The following LEMD2 variants were observed in gnomAD, a reference collection of about 807,000 sequenced individuals.
LEMD2 encodes LEM domain-containing protein 2.
Under a neutral mutation model 58.8 loss-of-function variants are expected in LEMD2, and 34 were observed. That is an observed-to-expected ratio of 0.58 (90% CI 0.44 to 0.77). The LOEUF (loss-of-function observed/expected upper bound fraction) is 0.77, where lower values mean the gene tolerates loss of function less well. Ranked by LOEUF, LEMD2 falls within the 30% of genes least tolerant of loss-of-function variation. The pLI is 0.00. For missense variants in LEMD2, 629 were observed against 717.9 expected, an observed-to-expected ratio of 0.88 and a Z score of 1.42; for synonymous variants, 298 against 308.9, an observed-to-expected ratio of 0.96 and a Z score of 0.37.
Position 33,788,681 on chromosome 6 carries a change from G to A in LEMD2, c.436C>T (p.Arg146Trp). ...RGSSEEDEDA[R>W]TPDRATQGPG... Reference sequence around the variant, plus strand: ...CCCTGCGTGGCCCTGTCGGGCGTCCGGGCGTCCTCGTCCTCCTCGGAGCTG... The same window carrying A: ...CCCTGCGTGGCCCTGTCGGGCGTCCAGGCGTCCTCGTCCTCCTCGGAGCTG... Residue 146 changes from arginine to tryptophan, a missense_variant, in exon 1 of 9, where the codon CGG becomes TGG. Transcript: ENST00000293760. 1 of 1,341,562 alleles carries A rather than the reference G, an allele frequency of 7.5e-7. No homozygotes were observed. Among genetic ancestry groups the A allele is most frequent in the Non-Finnish European group, 9.6e-7 (1 of 1,045,984 alleles). The allele number at this position is 1,341,562 out of a possible 1,614,324, so 83.1% of individuals were successfully genotyped here.
intron 2 of LEMD2, among the ~76,000 whole-genome samples, chr6:33,786,044 A>G (rs1444254816): frequency 6.6e-6 from 1 of 152,210 alleles, no homozygotes; most frequent in Non-Finnish European, 1.5e-5. Context: ...TGCACACTTA[A>G]TTAGACTACT....
At chr6:33,777,441 C>T (rs1407115503) in intron 6 of LEMD2, among the ~76,000 whole-genome samples, 1 of 152,158 alleles carries the variant, frequency 6.6e-6, no homozygotes, top group Non-Finnish European at 1.5e-5. Flanking sequence ...TGATCATCTT[C>T]CTCCCACCGG....
chr6:33,780,186 G>A lies in LEMD2; in HGVS notation c.931-7C>T, dbSNP rs1469738810. 1 of 1,579,092 alleles carries A rather than the reference G, an allele frequency of 6.3e-7. No homozygotes were observed. The highest frequency in any genetic ancestry group is 8.6e-7 in the Non-Finnish European group (1 of 1,160,978). The stretch of plus-strand genomic sequence containing the variant: ...AGGAGCTGCTGGTCACATTCTGTGG[G>A]AGGGCGCGGGAGAAGGTTAGTTCGG... On this transcript the variant is annotated splice_polypyrimidine_tract_variant and splice_region_variant and intron_variant, in intron 4 of 8. Transcript: ENST00000293760.
chr6:33,775,130 T>C (rs1159249184), intron 8 of LEMD2, among the ~76,000 whole-genome samples: 1 of 152,148 alleles, frequency 6.6e-6, no homozygotes, highest in Non-Finnish European at 1.5e-5. Flanking sequence ...GGGTGGGAGT[T>C]TGAGTACCCC....
In LEMD2 at chr6:33,772,725, T is replaced by C. The variant is rs1767331713; in HGVS notation, c.1415A>G (p.Glu472Gly). ...DRAVEFLASN[E>G]SRIQTESHRV... ...GTGGGACTCCGTCTGGATCCGGGAT[T>C]CGTTGGAGGCCAGGAACTCCACAGC... The change falls in exon 9 of 9, where the codon GAA (glutamate) becomes GGA (glycine). Residue 472 changes from glutamate (E) to glycine (G), a missense_variant. Physicochemically the swap from Glu to Gly is moderately conservative, Grantham distance 98. Coordinates refer to ENST00000293760, the MANE Select transcript of LEMD2 (RefSeq NM_181336.4). 1.2e-6 allele frequency: 2 copies of C among 1,614,058 alleles called. No individual in the cohort carries two copies. Among genetic ancestry groups the C allele is most frequent in the Admixed American group, 3.3e-5 (2 of 60,020 alleles).
rs1029131942 is a variant in LEMD2 at position 33,784,200 on chromosome 6, G to A, written c.853+152C>T. ...AAAAGATGTGCCTGAGTGAGGAGGC[G>A]AGAAGGTGAGACTCGGCTTCTGAAT... On this transcript the variant is annotated intron_variant, in intron 3 of 8. Transcript: ENST00000293760. The A allele has an allele frequency of 2.0e-4, 140 of 695,808 alleles. No homozygotes were observed. In the African/African-American group the frequency reaches 2.2e-3, roughly 11 times the overall value. The allele number at this position is 695,808 out of a possible 1,614,324, so 43.1% of individuals were successfully genotyped here. A position where few individuals can be genotyped will look rare whatever the true frequency, so the allele number is the denominator to read the frequency against.
intron 1 of LEMD2, 177 bp from the exon 2 acceptor site, chr6:33,786,951 T>C: frequency 7.2e-7 from 1 of 1,387,380 alleles, no homozygotes; most frequent in Non-Finnish European, 9.4e-7. Flanking sequence ...TGTAAGGGTA[T>C]CCAAATCCTG....
intron 5 of LEMD2, chr6:33,779,129 C>T (rs982207067): frequency 6.6e-6 from 1 of 152,204 alleles, no homozygotes; most frequent in Admixed American, 6.5e-5. Context: ...GGCTGCCTTC[C>T]CCAACATGAA....
At chr6:33,783,742 G>C (rs1334628405) in intron 3 of LEMD2, among the ~76,000 whole-genome samples, 1 of 152,194 alleles carries the variant, frequency 6.6e-6, no homozygotes. Context: ...TGCTGAGAAT[G>C]CCCTCCTTTA....
At chr6:33,776,210 G>A (rs951683844) in intron 8 of LEMD2, among the ~76,000 whole-genome samples, 6 of 152,238 alleles carry the variant, frequency 3.9e-5, no homozygotes, top group Non-Finnish European at 7.3e-5. Context: ...ATGAGTGTAC[G>A]CATGCGTGTG....
chr6:33,788,336 C>G (rs752164896), intron 1 of LEMD2, 45 bp downstream of exon 1: 1 of 1,501,846 alleles, frequency 6.7e-7, no homozygotes, highest in Middle Eastern at 1.7e-4. Flanking sequence ...CTCCGGCGGA[C>G]ACACGCGCGC....
intron 2 of LEMD2, among the ~76,000 whole-genome samples, chr6:33,785,655 T>C (rs1401186295): frequency 6.6e-6 from 1 of 152,218 alleles, no homozygotes; most frequent in Non-Finnish European, 1.5e-5. Context: ...GAAAGTTATT[T>C]TTTCCTGTTT....
Position 33,772,418 on chromosome 6 carries a change from T to C in LEMD2, c.*210A>G. On this transcript the variant is annotated 3_prime_UTR_variant, in exon 9 of 9. Transcript: ENST00000293760. The stretch of plus-strand genomic sequence containing the variant: ...CAGGGCAGAGTCTGGGCTATCACCC[T>C]GGCTTCTCCCCCTCCCTTTAAAGGA... The C allele has an allele frequency of 2.0e-6, 1 of 508,916 alleles. No homozygotes were observed. The highest frequency in any genetic ancestry group is 3.7e-5 in the Admixed American group (1 of 27,314). The allele number at this position is 508,916 out of a possible 1,614,324, so 31.5% of individuals were successfully genotyped here.
chr6:33,778,228 G>T lies in LEMD2; in HGVS notation c.1156+14C>A. The T allele has an allele frequency of 6.4e-7, 1 of 1,568,128 alleles. No individual in the cohort carries two copies. The highest frequency in any genetic ancestry group is 8.7e-7 in the Non-Finnish European group (1 of 1,155,090). On this transcript the variant is annotated intron_variant, in intron 6 of 8. Transcript: ENST00000293760. The surrounding 1 kb of genome is among the most constrained non-coding windows in gnomAD (Gnocchi z 4.7). ...GACTGCACAGAAGGGGAGGGAAGGCGGCCGAGGACTTACACCAGAAGAAGA... is the reference window on the plus strand; with the variant it reads ...GACTGCACAGAAGGGGAGGGAAGGCTGCCGAGGACTTACACCAGAAGAAGA...
chr6:33,777,694 CG>C (rs1767468091), intron 6 of LEMD2, among the ~76,000 whole-genome samples: 1 of 152,206 alleles, frequency 6.6e-6, no homozygotes, highest in African/African-American at 2.4e-5. Context: ...TCTGGAAAGC[CG>C]TGGTTTCTGT....
intron 1 of LEMD2, among the ~76,000 whole-genome samples, chr6:33,787,802 A>G (rs954613689): frequency 6.6e-6 from 1 of 152,218 alleles, no homozygotes; most frequent in African/African-American, 2.4e-5. Flanking sequence ...GGGTGCTACA[A>G]GCAATGATAA....
intron 4 of LEMD2, 68 bp from the exon 5 acceptor site, chr6:33,780,247 C>T (rs1767535323): frequency 7.3e-7 from 1 of 1,368,548 alleles, no homozygotes. Context: ...TATTCTGCTG[C>T]TGGATTAAGG....
chr6:33,785,217 G>A (rs1217063433), intron 2 of LEMD2, among the ~76,000 whole-genome samples: 3 of 152,138 alleles, frequency 2.0e-5, no homozygotes, highest in Non-Finnish European at 4.4e-5. Context: ...TTCAGCAAGA[G>A]CCTCACCAAA....
chr6:33,774,153 C>T (rs1273983632), intron 8 of LEMD2, among the ~76,000 whole-genome samples: 1 of 150,728 alleles, frequency 6.6e-6, no homozygotes. Context: ...ATGATGCCCA[C>T]GTGCTAGGCA....
Sources: allele counts gnomAD v4.1 joint callset (sites outside exome capture counted in the v4.1 genomes callset), GRCh38; gene constraint gnomAD v4.1.1; non-coding constraint Gnocchi (gnomAD v3.1); transcripts MANE v1.5; gene names NCBI Gene and HGNC (gene_info 2026-07-23, HGNC 2026-07-21).